Variants in SLAIN1 observed in about 807,000 individuals in gnomAD.
SLAIN1 encodes SLAIN family member 1.
Under a neutral mutation model 55.4 loss-of-function variants are expected in SLAIN1, and 17 were observed. That is an observed-to-expected ratio of 0.31 (90% confidence interval 0.21 to 0.46). The LOEUF (loss-of-function observed/expected upper bound fraction) is 0.46, where lower values mean the gene tolerates loss of function less well. Among genes scored for constraint, SLAIN1 ranks in the 20% least tolerant of loss-of-function variants. SLAIN1 has a pLI of 1.00. For synonymous variants in SLAIN1, 348 were observed against 337.4 expected (o/e 1.03, Z -0.35); for missense variants, 682 against 785.1 (o/e 0.87, Z 1.57).
chr13:77,709,681 ATCCTT>A (rs1459190379), intron 1 of SLAIN1, among the ~76,000 whole-genome samples: 1 of 152,192 alleles, frequency 6.6e-6, no homozygotes. Flanking sequence ...GAAAAATAAA[ATCCTT>A]TACAGACAAG....
intron 5 of SLAIN1, among the ~76,000 whole-genome samples, chr13:77,755,919 T>C (rs1188218630): frequency 6.6e-6 from 1 of 152,184 alleles, no homozygotes; most frequent in Non-Finnish European, 1.5e-5. Flanking sequence ...TCTTTATGCA[T>C]TCTAAGTTCC....
At chr13:77,721,039 A>G (rs1322170372) in intron 2 of SLAIN1, among the ~76,000 whole-genome samples, 1 of 152,146 alleles carries the variant, frequency 6.6e-6, no homozygotes, top group Non-Finnish European at 1.5e-5. Context: ...GACTCGAAGA[A>G]AACTGATACG....
At position 77,699,020 on chromosome 13, in the gene SLAIN1, C is replaced by A. The variant is rs769063079; in HGVS notation, c.626+481C>A. 4 of 1,535,330 alleles carry A rather than the reference C, an allele frequency of 2.6e-6. No homozygotes were observed. In the South Asian group the frequency reaches 4.8e-5, roughly 18 times the overall value. ...CGTGCTCTTCCTCCTCGGGTGGCATCGGAAGCCGCGCAGTGATGGATCTCT... is the reference window on the plus strand; with the variant it reads ...CGTGCTCTTCCTCCTCGGGTGGCATAGGAAGCCGCGCAGTGATGGATCTCT... On this transcript the variant is annotated intron_variant, in intron 1 of 6. Coordinates refer to ENST00000418532, the MANE Select transcript of SLAIN1 (RefSeq NM_001242868.2).
rs148691165 is a variant in SLAIN1 at position 77,762,542 on chromosome 13, G to A, written c.1698-603G>A. Among the ~76,000 whole-genome samples, 481 of 152,020 alleles carry A rather than the reference G, an allele frequency of 3.2e-3. 1 individual carries two copies. The highest frequency in any genetic ancestry group is 0.01 in the Middle Eastern group (3 of 292). ...ATCCTCCTGCCTTGCTAGGACTACA[G>A]TGCATATCACCACTCCCAGATAATT... On this transcript the variant is annotated intron_variant, in intron 6 of 6. Transcript: ENST00000418532.
intron 1 of SLAIN1, among the ~76,000 whole-genome samples, chr13:77,703,063 C>T (rs1448016324): frequency 4.0e-5 from 6 of 151,840 alleles, no homozygotes; most frequent in Non-Finnish European, 7.4e-5. Context: ...GAAAATGCCA[C>T]GATAAAAATA....
At chr13:77,734,548 T>A (rs1873019734) in intron 2 of SLAIN1, among the ~76,000 whole-genome samples, 1 of 152,104 alleles carries the variant, frequency 6.6e-6, no homozygotes, top group Non-Finnish European at 1.5e-5. Context: ...TGCTTCTGAG[T>A]TGGTAACAAC....
In SLAIN1 at chr13:77,699,237, T is replaced by TTTTA. The variant is rs532829849; in HGVS notation, c.626+714_626+717dup. On this transcript the variant is annotated intron_variant, in intron 1 of 6. Transcript: ENST00000418532. ...TGGAATGAACAGGTGGGAGGGACTT[T>TTTTA]TTTATTTATTTATTTATTTTTTTAC... is the stretch of plus-strand genomic sequence containing the variant. 492 of 395,298 alleles carry TTTTA rather than the reference T, an allele frequency of 1.2e-3. 1 individual carries two copies. Among genetic ancestry groups the TTTTA allele is most frequent in the African/African-American group, 9.3e-3 (459 of 49,166 alleles). 24.5% of individuals were successfully genotyped at this position (395,298 alleles called of 1,614,324 possible).
chr13:77,722,186 T>C (rs1372175749), intron 2 of SLAIN1, among the ~76,000 whole-genome samples: 4 of 151,982 alleles, frequency 2.6e-5, no homozygotes, highest in Non-Finnish European at 5.9e-5. Context: ...TGTAAAAGTT[T>C]AGAGAACGAG....
intron 3 of SLAIN1, among the ~76,000 whole-genome samples, chr13:77,745,908 T>C (rs1478693896): frequency 6.6e-6 from 1 of 152,124 alleles, no homozygotes; most frequent in African/African-American, 2.4e-5. Context: ...ATGAGAACTT[T>C]GTAGTTTGAC....
chr13:77,744,012 TG>T (rs1359559954), intron 2 of SLAIN1, among the ~76,000 whole-genome samples: 1 of 152,048 alleles, frequency 6.6e-6, no homozygotes, highest in Non-Finnish European at 1.5e-5. Context: ...AAAAATATAA[TG>T]TGAAATCTAC....
At chr13:77,732,069 T>G (rs1872898523) in intron 2 of SLAIN1, among the ~76,000 whole-genome samples, 1 of 152,120 alleles carries the variant, frequency 6.6e-6, no homozygotes, top group African/African-American at 2.4e-5. Flanking sequence ...ACTCTGAATT[T>G]GTATATTTAC....
At position 77,697,770 on chromosome 13, in the gene SLAIN1, C is replaced by A; in HGVS notation, c.-144C>A. 1 of 865,852 alleles carries A rather than the reference C, an allele frequency of 1.2e-6. No individual in the cohort carries two copies. Among genetic ancestry groups the A allele is most frequent in the Non-Finnish European group, 1.5e-6 (1 of 678,716 alleles). The allele number at this position is 865,852 out of a possible 1,614,324, so 53.6% of individuals were successfully genotyped here. A position where few individuals can be genotyped will look rare whatever the true frequency, so the allele number is the denominator to read the frequency against. On this transcript the variant is annotated 5_prime_UTR_variant, in exon 1 of 7. Transcript: ENST00000418532. ...CGGAGGCGAGGGCCCGGTGCTGATG[C>A]GAACCGCCGGCTCGGCCTCAGCCCG...
At chr13:77,740,527 CG>C (rs1333721841) in intron 2 of SLAIN1, among the ~76,000 whole-genome samples, 3 of 80,376 alleles carry the variant, frequency 3.7e-5, no homozygotes, top group Non-Finnish European at 8.0e-5. Flanking sequence ...GTTTGCGAAC[CG>C]CCCCCCCCCC....
chr13:77,714,536 T>C (rs1357892366), intron 1 of SLAIN1, among the ~76,000 whole-genome samples: 1 of 152,050 alleles, frequency 6.6e-6, no homozygotes, highest in Admixed American at 6.6e-5. Context: ...TTACTTGAGC[T>C]CAGAAGGTCA....
At chr13:77,709,132 A>G (rs907159560) in intron 1 of SLAIN1, among the ~76,000 whole-genome samples, 3 of 151,834 alleles carry the variant, frequency 2.0e-5, no homozygotes, top group African/African-American at 4.8e-5. Context: ...AAGTATCAAT[A>G]GCCAAATCAA....
chr13:77,729,596 G>C (rs2091338499), intron 2 of SLAIN1, among the ~76,000 whole-genome samples: 2 of 151,260 alleles, frequency 1.3e-5, no homozygotes, highest in Admixed American at 1.3e-4. Context: ...TCTCTTTTCT[G>C]AAACACTGGG....
chr13:77,744,153 G>T, intron 2 of SLAIN1, 130 bp from the exon 3 acceptor site: 1 of 726,204 alleles, frequency 1.4e-6, no homozygotes. Flanking sequence ...ACCATTAAAT[G>T]GTGACATGTT....
chr13:77,753,137 T>C, intron 4 of SLAIN1, 66 bp from the exon 5 acceptor site: 1 of 1,416,084 alleles, frequency 7.1e-7, no homozygotes, highest in Non-Finnish European at 9.4e-7. Flanking sequence ...TGTTATTTGC[T>C]TTTGAAAGCT....
chr13:77,758,235 A>G (rs2154410982), intron 5 of SLAIN1, among the ~76,000 whole-genome samples: 1 of 152,028 alleles, frequency 6.6e-6, no homozygotes, highest in South Asian at 2.1e-4. Context: ...TTTTTGAGAA[A>G]TGTCAATTCA....
Sources: gnomAD v4.1 joint callset for allele counts (sites outside exome capture counted in the v4.1 genomes callset) on GRCh38, gnomAD v4.1.1 for gene constraint, MANE v1.5 for transcripts, NCBI Gene and HGNC (gene_info 2026-07-23, HGNC 2026-07-21) for gene names.